PCDHA5: variants seen among roughly 807,000 people sequenced by gnomAD.
The protein encoded by PCDHA5 is protocadherin alpha-5.
Under a neutral mutation model 61.6 loss-of-function variants are expected in PCDHA5, and 43 were observed. That is an observed-to-expected ratio of 0.70 (90% CI 0.55 to 0.90). The LOEUF (loss-of-function observed/expected upper bound fraction) is 0.90, where lower values mean the gene tolerates loss of function less well. PCDHA5 is among the 40% of genes least tolerant of loss of function. PCDHA5 has a pLI of 0.00. For synonymous variants in PCDHA5, 627 were observed against 543.9 expected (o/e 1.15, Z -2.13); for missense variants, 1,298 against 1,222.7 (o/e 1.06, Z -0.92).
intron 1 of PCDHA5, chr5:140,966,755 C>G: frequency 2.8e-6 from 4 of 1,434,520 alleles, no homozygotes; most frequent in Non-Finnish European, 1.8e-6. Flanking sequence ...GCCTCCGCCG[C>G]GGCCAGTGGC....
chr5:140,893,312 A>C (rs2063923388), intron 1 of PCDHA5, among the ~76,000 whole-genome samples: 1 of 152,106 alleles, frequency 6.6e-6, no homozygotes, highest in Non-Finnish European at 1.5e-5. Context: ...TAGTTTTTTG[A>C]GGGACTCCCA....
Position 140,845,550 on chromosome 5 carries a change from G to A in PCDHA5, c.2352+21423G>A, listed in dbSNP as rs185907796. Among the ~76,000 whole-genome samples, 15 of 149,478 alleles carry A rather than the reference G, an allele frequency of 1.0e-4. 1 individual carries two copies. Among genetic ancestry groups the A allele is most frequent in the Non-Finnish European group, 1.3e-4 (9 of 66,770 alleles). On this transcript the variant is annotated intron_variant, in intron 1 of 3. Coordinates refer to ENST00000529859, the MANE Select transcript of PCDHA5 (RefSeq NM_018908.3). ...TTTTCACTATTCTAATTATGGTGAT[G>A]CTTTTAGCTATTAAGAATTTCTGGG...
intron 1 of PCDHA5, among the ~76,000 whole-genome samples, chr5:140,885,103 C>G (rs1336980793): frequency 6.6e-6 from 1 of 152,018 alleles, no homozygotes; most frequent in Non-Finnish European, 1.5e-5. Context: ...CACATAAATG[C>G]TTTTTTTAAG....
Position 140,822,627 on chromosome 5 carries a change from T to C in PCDHA5, c.852T>C (p.Val284=). ...KEIVYFFSNL[V]LDDVKSKFII... Reference sequence around the variant, plus strand: ...TAGTGTATTTCTTTAGTAATCTTGTTCTTGACGATGTAAAGTCCAAATTTA... The same window carrying C: ...TAGTGTATTTCTTTAGTAATCTTGTCCTTGACGATGTAAAGTCCAAATTTA... The change falls in exon 1 of 4, where the codon GTT becomes GTC. Residue 284 remains valine, a synonymous_variant. Transcript: ENST00000529859. The C allele has an allele frequency of 6.2e-7, 1 of 1,611,408 alleles. No homozygotes were observed. The highest frequency in any genetic ancestry group is 1.1e-5 in the South Asian group (1 of 90,842).
intron 3 of PCDHA5, among the ~76,000 whole-genome samples, chr5:140,986,055 T>C (rs2097185833): frequency 6.6e-6 from 1 of 152,164 alleles, no homozygotes; most frequent in African/African-American, 2.4e-5. Context: ...ATGAATTCTT[T>C]TGCTTTTTAA....
rs149287754 is a variant in PCDHA5, at chr5:140,962,549, G to T, written c.2353-16400G>T. Reference sequence around the variant, plus strand: ...GTTTTTTAGAACTAAAAATGTAGAGGATCTCCCCCTAAAAGCCAATTGTTA... The same window carrying T: ...GTTTTTTAGAACTAAAAATGTAGAGTATCTCCCCCTAAAAGCCAATTGTTA... On this transcript the variant is annotated intron_variant, in intron 1 of 3. Coordinates refer to ENST00000529859, the MANE Select transcript of PCDHA5 (RefSeq NM_018908.3). 1.3e-3 allele frequency among the ~76,000 whole-genome samples: 202 copies of T among 152,208 alleles called. 3 individuals carry two copies. The highest frequency in any genetic ancestry group is 4.3e-4 in the Non-Finnish European group (29 of 68,014).
In PCDHA5 at chr5:140,845,055, G is replaced by T. The variant is rs2150376092; in HGVS notation, c.2352+20928G>T. 3.3e-5 allele frequency among the ~76,000 whole-genome samples: 5 copies of T among 149,320 alleles called. 1 individual carries two copies. The highest frequency in any genetic ancestry group is 6.0e-5 in the Non-Finnish European group (4 of 66,724). ...TTTTAGCCCCCTTGTCCAACTGAAG[G>T]TAACCTCAAAGCAGCATTGTTTTGT... On this transcript the variant is annotated intron_variant, in intron 1 of 3. Transcript: ENST00000529859.
intron 1 of PCDHA5, among the ~76,000 whole-genome samples, chr5:140,943,845 C>A (rs59104695): frequency 3.3e-5 from 5 of 152,226 alleles, no homozygotes; most frequent in Admixed American, 1.3e-4. Flanking sequence ...TGTAAGATGT[C>A]ACAGAAGTCA....
chr5:140,942,796 G>C (rs2093370095), intron 1 of PCDHA5, among the ~76,000 whole-genome samples: 1 of 152,002 alleles, frequency 6.6e-6, no homozygotes, highest in Non-Finnish European at 1.5e-5. Flanking sequence ...ACAAAGGCAT[G>C]TTTTCCACAA....
Position 140,989,317 on chromosome 5 carries a change from C to T in PCDHA5, c.2500+6754C>T, listed in dbSNP as rs184467267. Among the ~76,000 whole-genome samples, 489 of 152,240 alleles carry T rather than the reference C, an allele frequency of 3.2e-3. 2 individuals carry two copies. Among genetic ancestry groups the T allele is most frequent in the African/African-American group, 0.011 (440 of 41,530 alleles). Reference sequence around the variant, plus strand: ...AAAGGGCCAAGGAAGTAGGGTCTCACCAACTTTGCCACCTGACTCAGCTCA... The same window carrying T: ...AAAGGGCCAAGGAAGTAGGGTCTCATCAACTTTGCCACCTGACTCAGCTCA... On this transcript the variant is annotated intron_variant, in intron 3 of 3. Transcript: ENST00000529859.
intron 1 of PCDHA5, chr5:140,835,633 G>A (rs1449740308): frequency 2.5e-5 from 40 of 1,613,932 alleles, no homozygotes; most frequent in Non-Finnish European, 3.2e-5. Flanking sequence ...GACCGCGAGA[G>A]TGTGTCCGCC....
intron 1 of PCDHA5, chr5:140,848,306 T>C (rs1781428970): frequency 1.4e-6 from 1 of 705,366 alleles, no homozygotes; most frequent in South Asian, 2.0e-5. Context: ...GTGATGTCAC[T>C]CTTTGCCGCG....
chr5:140,857,003 G>A (rs74982530), intron 1 of PCDHA5: 2 of 1,595,436 alleles, frequency 1.3e-6, no homozygotes, highest in Admixed American at 1.7e-5. Flanking sequence ...TGAAATTCAT[G>A]TAGATGTTAC....
At chr5:140,996,308 A>G (rs997099218) in intron 3 of PCDHA5, among the ~76,000 whole-genome samples, 4 of 152,240 alleles carry the variant, frequency 2.6e-5, no homozygotes, top group African/African-American at 9.6e-5. Flanking sequence ...GTAACAAAGT[A>G]AGGGGGGAGG....
At chr5:140,927,430 A>C (rs782761686) in intron 1 of PCDHA5, 4 of 1,614,152 alleles carry the variant, frequency 2.5e-6, no homozygotes, top group Non-Finnish European at 3.4e-6. Flanking sequence ...GGTTGACGGC[A>C]GCGAATACCC....
At position 140,876,889 on chromosome 5, in the gene PCDHA5, C is replaced by G. The variant is rs1409299527; in HGVS notation, c.2352+52762C>G. On this transcript the variant is annotated intron_variant, in intron 1 of 3. Coordinates refer to ENST00000529859, the MANE Select transcript of PCDHA5 (RefSeq NM_018908.3). ...GAAGGAGAACAACCCGCCGGGCTGC[C>G]ACATCTTCACGGTGTCGGCATGGGA... 3.1e-6 allele frequency: 5 copies of G among 1,613,996 alleles called. No homozygotes were observed. In the African/African-American group the frequency reaches 6.7e-5, roughly 22 times the overall value.
chr5:140,823,028 C>G lies in PCDHA5; in HGVS notation c.1253C>G (p.Ser418Trp). ...LDSALDRESVSVYELVVTARD... is the reference protein window; with the variant it reads ...LDSALDRESVWVYELVVTARD... ...AGCGCCCTGGACCGCGAGAGCGTGTCGGTCTATGAGCTGGTGGTGACCGCG... is the reference window on the plus strand; with the variant it reads ...AGCGCCCTGGACCGCGAGAGCGTGTGGGTCTATGAGCTGGTGGTGACCGCG... The change falls in exon 1 of 4, where the codon TCG (serine) becomes TGG (tryptophan). Residue 418 changes from serine (S) to tryptophan (W), a missense_variant. Transcript: ENST00000529859. 6.2e-7 allele frequency: 1 copy of G among 1,614,206 alleles called. No homozygotes were observed. The highest frequency in any genetic ancestry group is 8.5e-7 in the Non-Finnish European group (1 of 1,180,044).
At chr5:140,883,066 C>G in intron 1 of PCDHA5, 1 of 1,614,070 alleles carries the variant, frequency 6.2e-7, no homozygotes. Flanking sequence ...AGCTAAATGC[C>G]ACAGATCCTG....
At chr5:140,869,558 T>A in intron 1 of PCDHA5, 1 of 1,614,200 alleles carries the variant, frequency 6.2e-7, no homozygotes, top group Non-Finnish European at 8.5e-7. Flanking sequence ...GACTCGCGTT[T>A]TCCACTAGAG....
Sources: allele counts gnomAD v4.1 joint callset (sites outside exome capture counted in the v4.1 genomes callset), GRCh38; gene constraint gnomAD v4.1.1; transcripts MANE v1.5; gene names NCBI Gene and HGNC (gene_info 2026-07-23, HGNC 2026-07-21).